Variants in LRMDA observed in about 807,000 individuals in gnomAD.
LRMDA encodes the protein leucine rich melanocyte differentiation associated.
LRMDA carries 18 observed loss-of-function variants against 29.8 expected under a neutral mutation model. That is an observed-to-expected ratio of 0.60 (90% CI 0.42 to 0.90). LRMDA has a LOEUF of 0.90. Among genes scored for constraint, LRMDA ranks in the 40% least tolerant of loss-of-function variants. The pLI is 0.00. For missense variants in LRMDA, 273 were observed against 273.9 expected, an observed-to-expected ratio of 1.00 and a Z score of 0.02; for synonymous variants, 125 against 109.4, an observed-to-expected ratio of 1.14 and a Z score of -0.89.
rs1844541233 is a variant in LRMDA, at chr10:75,458,057, G to T, written c.131+19563G>T. ...TATTGAGTATTGAGTATTTGTCTTT[G>T]TTCCATCACAAATCGTCTGTGAAAT... On this transcript the variant is annotated intron_variant, in intron 2 of 6. Coordinates refer to ENST00000611255, the MANE Select transcript of LRMDA (RefSeq NM_001305581.2). 3.3e-5 allele frequency among the ~76,000 whole-genome samples: 5 copies of T among 152,064 alleles called. No homozygotes were observed. In the South Asian group the frequency reaches 1.0e-3, roughly 31 times the overall value.
chr10:76,191,087 T>C (rs1029705785), intron 5 of LRMDA, among the ~76,000 whole-genome samples: 16 of 152,296 alleles, frequency 1.1e-4, no homozygotes, highest in Non-Finnish European at 2.2e-4. Flanking sequence ...CAAGGGAATT[T>C]GAAGACTGCT....
rs1843144406 is a variant in LRMDA, at chr10:75,764,945, G to A, written c.132-271063G>A. Reference sequence around the variant, plus strand: ...AAGAGACACGTGTGTGTGTGTGTGTGTGTGTGTGTGTGTGTGTGTGTGTTC... The same window carrying A: ...AAGAGACACGTGTGTGTGTGTGTGTATGTGTGTGTGTGTGTGTGTGTGTTC... On this transcript the variant is annotated intron_variant, in intron 2 of 6. Transcript: ENST00000611255. Among the ~76,000 whole-genome samples the A allele has an allele frequency of 2.0e-5, 3 of 151,346 alleles. No individual in the cohort carries two copies. In the South Asian group the frequency reaches 6.3e-4, roughly 32 times the overall value.
intron 2 of LRMDA, among the ~76,000 whole-genome samples, chr10:75,957,592 A>G (rs1047583285): frequency 1.1e-4 from 16 of 152,228 alleles, no homozygotes; most frequent in Admixed American, 9.8e-4. Context: ...TCCTTGCCCC[A>G]GTACAGTTTT....
chr10:76,537,917 T>C (rs548005151), intron 6 of LRMDA, among the ~76,000 whole-genome samples: 1 of 152,290 alleles, frequency 6.6e-6, no homozygotes, highest in Non-Finnish European at 1.5e-5. Context: ...TTCTACAATA[T>C]ACACAAAATA....
chr10:76,099,821 CT>C (rs1199476399), intron 5 of LRMDA, among the ~76,000 whole-genome samples: 1 of 151,932 alleles, frequency 6.6e-6, no homozygotes, highest in African/African-American at 2.4e-5. Flanking sequence ...TATTTAAATT[CT>C]GTTAAATTTA....
chr10:75,805,257 G>A (rs1843831250), intron 2 of LRMDA, among the ~76,000 whole-genome samples: 1 of 152,124 alleles, frequency 6.6e-6, no homozygotes, highest in South Asian at 2.1e-4. Context: ...TGGAATAAGG[G>A]TTGGAGAAAG....
intron 2 of LRMDA, among the ~76,000 whole-genome samples, chr10:75,942,795 A>G (rs1282678500): frequency 2.0e-5 from 3 of 152,128 alleles, no homozygotes; most frequent in African/African-American, 4.8e-5. Flanking sequence ...TGCTTGGAAC[A>G]TAGTTCATGG....
chr10:75,762,489 A>C (rs1231987895), intron 2 of LRMDA, among the ~76,000 whole-genome samples: 2 of 152,232 alleles, frequency 1.3e-5, no homozygotes, highest in African/African-American at 4.8e-5. Flanking sequence ...GAAGATGTGC[A>C]GTGCCCAGGC....
intron 2 of LRMDA, among the ~76,000 whole-genome samples, chr10:75,706,239 A>T (rs563306378): frequency 5.8e-4 from 83 of 144,050 alleles, no homozygotes; most frequent in Non-Finnish European, 9.2e-4. Flanking sequence ...TAGTTTTCTC[A>T]CATATTTTTT....
At chr10:75,532,249 G>A (rs1046205373) in intron 2 of LRMDA, among the ~76,000 whole-genome samples, 7 of 152,064 alleles carry the variant, frequency 4.6e-5, no homozygotes, top group Admixed American at 3.9e-4. Flanking sequence ...GCCAGATCCC[G>A]AAGATCTTGG....
intron 6 of LRMDA, chr10:76,402,260 A>C (rs1841857334): frequency 1.3e-5 from 2 of 152,274 alleles, no homozygotes; most frequent in African/African-American, 4.8e-5. Context: ...AGAGCTAGAC[A>C]CAAAAGCCAG....
intron 2 of LRMDA, among the ~76,000 whole-genome samples, chr10:75,586,171 A>C (rs1840652471): frequency 6.6e-6 from 1 of 152,078 alleles, no homozygotes; most frequent in Non-Finnish European, 1.5e-5. Context: ...TCCTGATTTC[A>C]GTTATTAATA....
chr10:76,332,420 T>C (rs769623891), intron 6 of LRMDA, among the ~76,000 whole-genome samples: 3 of 152,190 alleles, frequency 2.0e-5, no homozygotes, highest in Non-Finnish European at 2.9e-5. Flanking sequence ...TTGGGCAGAA[T>C]TGTGGTATAC....
chr10:76,274,868 A>G (rs550717823), intron 5 of LRMDA, among the ~76,000 whole-genome samples: 1 of 152,178 alleles, frequency 6.6e-6, no homozygotes, highest in Non-Finnish European at 1.5e-5. Context: ...CTACCTCTCA[A>G]TTTTTGTTAG....
intron 2 of LRMDA, among the ~76,000 whole-genome samples, chr10:75,706,000 A>G (rs1321099802): frequency 6.6e-6 from 1 of 152,156 alleles, no homozygotes; most frequent in Non-Finnish European, 1.5e-5. Flanking sequence ...AACTTTTATT[A>G]TTTGTGTCTA....
At chr10:75,678,923 G>A (rs992474511) in intron 2 of LRMDA, among the ~76,000 whole-genome samples, 1 of 152,118 alleles carries the variant, frequency 6.6e-6, no homozygotes, top group Non-Finnish European at 1.5e-5. Context: ...GAAATTAAAC[G>A]GGCAGGACAA....
intron 2 of LRMDA, among the ~76,000 whole-genome samples, chr10:75,811,266 C>T (rs1384750481): frequency 1.3e-5 from 2 of 152,192 alleles, no homozygotes; most frequent in Non-Finnish European, 2.9e-5. Flanking sequence ...TCCTCTCCTT[C>T]ATGGGCAAGC....
intron 6 of LRMDA, among the ~76,000 whole-genome samples, chr10:76,434,331 C>T (rs954406054): frequency 6.6e-6 from 1 of 151,864 alleles, no homozygotes; most frequent in African/African-American, 2.4e-5. Context: ...TTTACTCTCT[C>T]TCTCTCTCTT....
At chr10:76,375,232 C>G (rs1340842148) in intron 6 of LRMDA, among the ~76,000 whole-genome samples, 2 of 151,786 alleles carry the variant, frequency 1.3e-5, no homozygotes, top group East Asian at 3.9e-4. Context: ...CTGACTATAC[C>G]CAAGTTGTTG....
Sources: gnomAD v4.1 joint callset for allele counts (sites outside exome capture counted in the v4.1 genomes callset) on GRCh38, gnomAD v4.1.1 for gene constraint, MANE v1.5 for transcripts, NCBI Gene and HGNC (gene_info 2026-07-23, HGNC 2026-07-21) for gene names.